USP9X: variants seen among roughly 807,000 people sequenced by gnomAD.
The protein encoded by USP9X is ubiquitin carboxyl-terminal hydrolase 9X.
A neutral mutation model predicts 190.3 loss-of-function variants in USP9X; 7 were observed. That is an observed-to-expected ratio of 0.04 (90% CI 0.02 to 0.07). The LOEUF (loss-of-function observed/expected upper bound fraction) is 0.07. Among genes scored for constraint, USP9X ranks in the 10% least tolerant of loss-of-function variants. USP9X has a pLI of 1.00. For missense variants in USP9X, 1,010 were observed against 1,916.9 expected, an observed-to-expected ratio of 0.53 and a Z score of 8.83; for synonymous variants, 645 against 659.5, an observed-to-expected ratio of 0.98 and a Z score of 0.34.
intron 1 of USP9X, among the ~76,000 whole-genome samples, chrX:41,104,115 G>A (rs2062052942): frequency 8.9e-6 from 1 of 111,877 alleles, no homozygotes; most frequent in Admixed American, 9.5e-5. Flanking sequence ...CACCCAGGCT[G>A]AAGTGCAGTG....
chrX:41,190,898 TTTTTGAG>T (rs1424191904), intron 26 of USP9X, among the ~76,000 whole-genome samples: 1 of 112,100 alleles, frequency 8.9e-6, no homozygotes, highest in Non-Finnish European at 1.9e-5. Flanking sequence ...AGTTAGGATC[TTTTTGAG>T]TTTTAAGTAC....
At chrX:41,144,713 A>AC in intron 11 of USP9X, 87 bp downstream of exon 11, 1 of 753,442 alleles carries the variant, frequency 1.3e-6, no homozygotes, top group Non-Finnish European at 2.0e-6. Flanking sequence ...GCCAATAAAT[A>AC]CTTAAATAGA....
At chrX:41,090,691 A>G (rs1379724819) in intron 1 of USP9X, among the ~76,000 whole-genome samples, 1 of 111,122 alleles carries the variant, frequency 9.0e-6, no homozygotes, top group Non-Finnish European at 1.9e-5. Context: ...CCTTTTAGGG[A>G]AAGGGGAGAA....
chrX:41,164,819 A>G (rs1354621197), intron 15 of USP9X, among the ~76,000 whole-genome samples: 1 of 111,992 alleles, frequency 8.9e-6, no homozygotes, highest in Admixed American at 9.5e-5. Context: ...TGCTCTTCCT[A>G]TTAGACCGGT....
At chrX:41,118,914 T>A (rs1390227943) in intron 1 of USP9X, among the ~76,000 whole-genome samples, 1 of 111,378 alleles carries the variant, frequency 9.0e-6, no homozygotes, top group African/African-American at 3.3e-5. Context: ...TCCAGGATTA[T>A]ATAAGCCAAG....
At chrX:41,114,842 TAACA>T (rs2062135409) in intron 1 of USP9X, among the ~76,000 whole-genome samples, 2 of 111,199 alleles carry the variant, frequency 1.8e-5, no homozygotes, top group Middle Eastern at 4.7e-3. Context: ...ATAATACATG[TAACA>T]AAATATGTTA....
intron 17 of USP9X, 78 bp downstream of exon 17, chrX:41,167,655 A>G: frequency 1.4e-6 from 1 of 709,663 alleles, no homozygotes; most frequent in Non-Finnish European, 2.1e-6. Flanking sequence ...GAGAAAAAAT[A>G]TTATCTAAAT....
chrX:41,144,426 T>C, intron 10 of USP9X, 96 bp from the exon 11 acceptor site: 1 of 682,247 alleles, frequency 1.5e-6, no homozygotes, highest in East Asian at 3.4e-5. Context: ...ATGAAGGAGA[T>C]AGGAGTACTT....
intron 1 of USP9X, among the ~76,000 whole-genome samples, chrX:41,089,217 C>A (rs2061935097): frequency 1.8e-5 from 2 of 112,118 alleles, no homozygotes; most frequent in Non-Finnish European, 3.8e-5. Flanking sequence ...CATTAATTGT[C>A]TGTCAGCACT....
chrX:41,215,268 A>G (rs961154590), intron 34 of USP9X, among the ~76,000 whole-genome samples: 4 of 112,948 alleles, frequency 3.5e-5, no homozygotes, highest in African/African-American at 1.3e-4. Flanking sequence ...GCATTATAGT[A>G]ATGAATAAGG....
chrX:41,168,876 T>C (rs184789689), intron 18 of USP9X, among the ~76,000 whole-genome samples: 2 of 106,439 alleles, frequency 1.9e-5, no homozygotes, highest in East Asian at 5.9e-4. Flanking sequence ...GGATGTTTTG[T>C]GTAGTCAATG....
chrX:41,141,376 C>T lies in USP9X; in HGVS notation c.1106C>T (p.Thr369Ile). 1.7e-6 allele frequency: 2 copies of T among 1,204,463 alleles called. No individual in the cohort carries two copies. The highest frequency in any genetic ancestry group is 2.2e-6 in the Non-Finnish European group (2 of 892,326). Residue 369 changes from threonine (T) to isoleucine (I), a missense_variant, in exon 9 of 45, where the codon ACT (threonine) becomes ATT (isoleucine). Transcript: ENST00000378308. Reference sequence around the variant, plus strand: ...GTGATATCTAGTGTATCATACTATACTCATCGACATGGTAATCCTGAGGAG... The same window carrying T: ...GTGATATCTAGTGTATCATACTATATTCATCGACATGGTAATCCTGAGGAG... ...NKVISSVSYY[T>I]HRHGNPEEEE...
chrX:41,221,412 T>C (rs972295361), intron 38 of USP9X, among the ~76,000 whole-genome samples: 23 of 111,659 alleles, frequency 2.1e-4, no homozygotes, highest in African/African-American at 6.5e-4. Context: ...CCATAAAATA[T>C]GTTAATAGCT....
intron 5 of USP9X, 65 bp from the exon 6 acceptor site, chrX:41,136,739 A>G: frequency 1.3e-6 from 1 of 787,706 alleles, no homozygotes; most frequent in East Asian, 3.2e-5. Flanking sequence ...TAATATTGGA[A>G]GATATTTCTG....
intron 33 of USP9X, among the ~76,000 whole-genome samples, chrX:41,212,328 A>G (rs1443221836): frequency 9.3e-6 from 1 of 107,835 alleles, no homozygotes; most frequent in African/African-American, 3.3e-5. Flanking sequence ...ACACTGCGGA[A>G]GGCCGCAGGG....
Position 41,165,115 on chromosome X carries a change from T to C in USP9X, c.1986-757T>C, listed in dbSNP as rs1004424848. On this transcript the variant is annotated intron_variant, in intron 15 of 44. Coordinates refer to ENST00000378308, the MANE Select transcript of USP9X (RefSeq NM_001039591.3). ...TTAGTTATTTGTGAAAGTCACTTGA[T>C]TGAATACCTCATTTTTCAATGATGC... Among the ~76,000 whole-genome samples the C allele has an allele frequency of 8.0e-5, 9 of 112,426 alleles. No individual in the cohort carries two copies. In the East Asian group the frequency reaches 2.2e-3, roughly 28 times the overall value.
At chrX:41,106,144 C>A (rs1475936565) in intron 1 of USP9X, among the ~76,000 whole-genome samples, 1 of 111,854 alleles carries the variant, frequency 8.9e-6, no homozygotes, top group African/African-American at 3.3e-5. Context: ...GATAAAGTCC[C>A]ATTTAACTAT....
intron 32 of USP9X, among the ~76,000 whole-genome samples, chrX:41,207,996 G>A (rs1282038836): frequency 9.2e-6 from 1 of 109,066 alleles, no homozygotes; most frequent in African/African-American, 3.3e-5. Context: ...TTCTGTTTAT[G>A]CTCTTCCAAA....
chrX:41,213,443 A>G (rs959917994), intron 33 of USP9X, among the ~76,000 whole-genome samples: 1 of 112,356 alleles, frequency 8.9e-6, no homozygotes, highest in African/African-American at 3.2e-5. Flanking sequence ...TGTTCTGAAC[A>G]CATTTAGGGT....
Sources: gnomAD v4.1 joint callset for allele counts (sites outside exome capture counted in the v4.1 genomes callset) on GRCh38, gnomAD v4.1.1 for gene constraint, MANE v1.5 for transcripts, NCBI Gene and HGNC (gene_info 2026-07-23, HGNC 2026-07-21) for gene names.